FBXL7: variants seen among roughly 807,000 people sequenced by gnomAD.
The protein encoded by FBXL7 is F-box and leucine rich repeat protein 7, also known as F-box/LRR-repeat protein 7.
FBXL7 carries 12 observed loss-of-function variants against 38.3 expected under a neutral mutation model. The observed-to-expected ratio is 0.31, with a 90% CI of 0.20 to 0.51. The LOEUF is 0.51. FBXL7 is among the 20% of genes least tolerant of loss of function. The probability of loss-of-function intolerance (pLI) is 0.98; values close to 1 mark genes in which losing one functional copy is unlikely to be tolerated. For synonymous variants in FBXL7, 297 were observed against 300.9 expected (o/e 0.99, Z 0.13); for missense variants, 567 against 676.4 (o/e 0.84, Z 1.79).
At chr5:15,659,104 T>C (rs1269722066) in intron 2 of FBXL7, among the ~76,000 whole-genome samples, 1 of 152,088 alleles carries the variant, frequency 6.6e-6, no homozygotes, top group African/African-American at 2.4e-5. Context: ...AATTACACAG[T>C]CTCGGATATG....
chr5:15,626,546 G>A (rs577384466), intron 2 of FBXL7, among the ~76,000 whole-genome samples: 1 of 138,360 alleles, frequency 7.2e-6, no homozygotes, highest in Non-Finnish European at 1.6e-5. Flanking sequence ...TTCGTTTCCT[G>A]TGTGTGTGTG....
chr5:15,936,468 G>A lies in FBXL7; in HGVS notation c.758G>A (p.Cys253Tyr). Residue 253 changes from cysteine to tyrosine, a missense_variant, in exon 4 of 4, where the codon TGC becomes TAC. Physicochemically the swap from Cys to Tyr is radical, Grantham distance 194. Coordinates refer to ENST00000504595, the MANE Select transcript of FBXL7 (RefSeq NM_012304.5). This position sits in a 1 kb window ranked among gnomAD's most constrained non-coding sequence, Gnocchi z 6.0. Reference sequence around the variant, plus strand: ...TGTGCAGGATGCTCCAAAGTGACCTGCATCAGCTTGACCCGGGAGGCCTCC... The same window carrying A: ...TGTGCAGGATGCTCCAAAGTGACCTACATCAGCTTGACCCGGGAGGCCTCC... ...LDVSGCSKVT[C>Y]ISLTREASIK... The A allele has an allele frequency of 6.2e-7, 1 of 1,612,986 alleles. No homozygotes were observed. The highest frequency in any genetic ancestry group is 2.2e-5 in the East Asian group (1 of 44,872).
At chr5:15,858,018 A>G (rs187429844) in intron 2 of FBXL7, among the ~76,000 whole-genome samples, 6 of 152,216 alleles carry the variant, frequency 3.9e-5, no homozygotes, top group Admixed American at 3.3e-4. Context: ...GGTTCAAGAA[A>G]ATGTAGTATT....
At chr5:15,504,120 G>T (rs913063301) in intron 1 of FBXL7, among the ~76,000 whole-genome samples, 4 of 152,246 alleles carry the variant, frequency 2.6e-5, no homozygotes, top group African/African-American at 9.6e-5. Context: ...AGAACTTACT[G>T]TGTAGAGTAC....
At chr5:15,800,729 A>T (rs920076761) in intron 2 of FBXL7, among the ~76,000 whole-genome samples, 6 of 152,236 alleles carry the variant, frequency 3.9e-5, no homozygotes, top group Admixed American at 2.0e-4. Flanking sequence ...GGAGGTGCAT[A>T]TAGACCACTG....
At chr5:15,769,271 A>G (rs971946750) in intron 2 of FBXL7, among the ~76,000 whole-genome samples, 3 of 152,324 alleles carry the variant, frequency 2.0e-5, no homozygotes, top group African/African-American at 7.2e-5. Flanking sequence ...GTAGCTAATT[A>G]TCATTATTTG....
intron 2 of FBXL7, among the ~76,000 whole-genome samples, chr5:15,811,496 T>C (rs1012896395): frequency 1.3e-5 from 2 of 152,128 alleles, no homozygotes; most frequent in African/African-American, 4.8e-5. Flanking sequence ...TCCTAACACC[T>C]CACTTTAAGT....
At chr5:15,617,789 T>G (rs1435939213) in intron 2 of FBXL7, among the ~76,000 whole-genome samples, 3 of 152,198 alleles carry the variant, frequency 2.0e-5, no homozygotes, top group Non-Finnish European at 4.4e-5. Flanking sequence ...TGGAAATCAT[T>G]GCAGTTACAC....
chr5:15,613,343 C>T (rs533875424), intron 1 of FBXL7, among the ~76,000 whole-genome samples: 33 of 152,318 alleles, frequency 2.2e-4, no homozygotes, highest in African/African-American at 7.5e-4. Flanking sequence ...GGACATACTT[C>T]TAACCAGGTG....
intron 2 of FBXL7, among the ~76,000 whole-genome samples, chr5:15,789,050 C>T (rs1239848043): frequency 2.6e-5 from 4 of 151,902 alleles, no homozygotes; most frequent in South Asian, 2.1e-4. Context: ...CGGGATTTCA[C>T]GGTGTTGGCC....
chr5:15,793,172 G>C (rs746482441), intron 2 of FBXL7, among the ~76,000 whole-genome samples: 5 of 152,138 alleles, frequency 3.3e-5, no homozygotes, highest in Non-Finnish European at 7.4e-5. Flanking sequence ...ATCCCCAAGT[G>C]AGGAAGTGTC....
At chr5:15,563,242 C>A (rs1335072551) in intron 1 of FBXL7, among the ~76,000 whole-genome samples, 1 of 152,090 alleles carries the variant, frequency 6.6e-6, no homozygotes, top group Non-Finnish European at 1.5e-5. Context: ...TAGTGCTTGG[C>A]ACCAAGTTGG....
chr5:15,841,935 G>A (rs981966207), intron 2 of FBXL7, among the ~76,000 whole-genome samples: 3 of 152,256 alleles, frequency 2.0e-5, no homozygotes, highest in East Asian at 1.9e-4. Context: ...TGTTTCAGGG[G>A]CGGAGCCCTC....
intron 2 of FBXL7, among the ~76,000 whole-genome samples, chr5:15,640,516 G>A (rs937835352): frequency 6.7e-6 from 1 of 150,302 alleles, no homozygotes; most frequent in African/African-American, 2.5e-5. Context: ...TGGGGGTTAG[G>A]GCTTTGTTTT....
chr5:15,750,416 C>T (rs12186732), intron 2 of FBXL7, among the ~76,000 whole-genome samples: 1 of 152,180 alleles, frequency 6.6e-6, no homozygotes, highest in Non-Finnish European at 1.5e-5. Context: ...TCTTGTACTA[C>T]TTGCTATCAC....
intron 2 of FBXL7, among the ~76,000 whole-genome samples, chr5:15,873,100 T>C (rs567368813): frequency 6.6e-6 from 1 of 152,238 alleles, no homozygotes; most frequent in Non-Finnish European, 1.5e-5. Flanking sequence ...CACAGTGCAA[T>C]CAAATTAGAA....
At chr5:15,641,769 A>G (rs1372849884) in intron 2 of FBXL7, among the ~76,000 whole-genome samples, 1 of 152,292 alleles carries the variant, frequency 6.6e-6, no homozygotes, top group Non-Finnish European at 1.5e-5. Context: ...TTGATCTGGG[A>G]CATCAGTCTT....
chr5:15,860,162 AT>A (rs1339618698), intron 2 of FBXL7, among the ~76,000 whole-genome samples: 2 of 152,242 alleles, frequency 1.3e-5, no homozygotes, highest in African/African-American at 4.8e-5. Flanking sequence ...TAGGGAAAAT[AT>A]ATAGGCATAC....
At chr5:15,770,944 T>C (rs1196708232) in intron 2 of FBXL7, among the ~76,000 whole-genome samples, 8 of 152,222 alleles carry the variant, frequency 5.3e-5, no homozygotes, top group African/African-American at 1.9e-4. Flanking sequence ...CTTGGGGTTA[T>C]ATCAAGACAA....
Sources: gnomAD v4.1 joint callset for allele counts (sites outside exome capture counted in the v4.1 genomes callset) on GRCh38, gnomAD v4.1.1 for gene constraint, Gnocchi (gnomAD v3.1) non-coding constraint, MANE v1.5 for transcripts, NCBI Gene and HGNC (gene_info 2026-07-23, HGNC 2026-07-21) for gene names.